The following PCNX1 variants were observed in gnomAD, a reference collection of about 807,000 sequenced individuals.
The protein encoded by PCNX1 is pecanex 1.
Under a neutral mutation model 242.2 loss-of-function variants are expected in PCNX1, and 78 were observed. That is an observed-to-expected ratio of 0.32 (90% CI 0.27 to 0.39). The LOEUF (loss-of-function observed/expected upper bound fraction) is 0.39. PCNX1 is among the 10% of genes least tolerant of loss of function. The pLI, the probability that PCNX1 is intolerant of heterozygous loss-of-function variation, is 1.00. For synonymous variants in PCNX1, 1,024 were observed against 1,032.9 expected, an observed-to-expected ratio of 0.99 and a Z score of 0.17; for missense variants, 2,581 against 2,856.5, an observed-to-expected ratio of 0.90 and a Z score of 2.20.
chr14:70,925,500 C>T (rs567727974), intron 1 of PCNX1, among the ~76,000 whole-genome samples: 21 of 151,340 alleles, frequency 1.4e-4, no homozygotes, highest in South Asian at 1.0e-3. Context: ...CAGTGACTTC[C>T]GGTCATTCAC....
At chr14:71,038,645 AT>A (rs1232979881) in intron 19 of PCNX1, among the ~76,000 whole-genome samples, 3 of 150,686 alleles carry the variant, frequency 2.0e-5, no homozygotes, top group African/African-American at 4.8e-5. Flanking sequence ...TAGTTCAACC[AT>A]TGTGGAAGTC....
intron 8 of PCNX1, among the ~76,000 whole-genome samples, chr14:71,001,682 C>A (rs986430249): frequency 4.6e-5 from 7 of 152,240 alleles, no homozygotes; most frequent in African/African-American, 1.7e-4. Flanking sequence ...TCTTAAGATT[C>A]TAAATTAAAG....
At chr14:71,005,461 T>C (rs900242931) in intron 8 of PCNX1, among the ~76,000 whole-genome samples, 9 of 151,672 alleles carry the variant, frequency 5.9e-5, no homozygotes, top group African/African-American at 1.2e-4. Context: ...TGAGCTATGA[T>C]TGTGCCATTG....
At chr14:70,953,151 C>A (rs1188897419) in intron 2 of PCNX1, among the ~76,000 whole-genome samples, 1 of 152,014 alleles carries the variant, frequency 6.6e-6, no homozygotes, top group Non-Finnish European at 1.5e-5. Context: ...TGGTGGTGTG[C>A]ACCTGTAGTG....
chr14:71,077,439 G>A (rs146845203), intron 28 of PCNX1, among the ~76,000 whole-genome samples: 1 of 152,216 alleles, frequency 6.6e-6, no homozygotes, highest in Non-Finnish European at 1.5e-5. Context: ...TCTAGGAGGT[G>A]CATACCGACC....
intron 19 of PCNX1, among the ~76,000 whole-genome samples, chr14:71,039,349 A>C (rs1282305398): frequency 1.3e-5 from 2 of 152,198 alleles, no homozygotes; most frequent in Non-Finnish European, 2.9e-5. Flanking sequence ...TGCTAAAATC[A>C]TCTGAGGTTC....
chr14:70,975,281 A>G (rs955715727), intron 5 of PCNX1, among the ~76,000 whole-genome samples: 1 of 152,140 alleles, frequency 6.6e-6, no homozygotes, highest in African/African-American at 2.4e-5. Flanking sequence ...TTAAATTTTG[A>G]TATTTAGAAG....
At chr14:70,952,515 T>A (rs1177597967) in intron 2 of PCNX1, among the ~76,000 whole-genome samples, 1 of 152,202 alleles carries the variant, frequency 6.6e-6, no homozygotes. Flanking sequence ...CTGAATATAT[T>A]TATTTATTTT....
chr14:71,022,452 G>A (rs1202807298), intron 12 of PCNX1, among the ~76,000 whole-genome samples: 1 of 152,168 alleles, frequency 6.6e-6, no homozygotes, highest in African/African-American at 2.4e-5. Context: ...GGTTAAAAGA[G>A]TTTAAAGATT....
At chr14:70,933,804 A>C (rs1253212340) in intron 1 of PCNX1, among the ~76,000 whole-genome samples, 1 of 152,240 alleles carries the variant, frequency 6.6e-6, no homozygotes, top group Admixed American at 6.5e-5. Context: ...GCACATCATA[A>C]TCACTAAGTA....
chr14:71,012,818 CAAAAAAAAA>C (rs10557318), intron 10 of PCNX1, 158 bp from the exon 11 acceptor site: 845 of 451,682 alleles, frequency 1.9e-3, no homozygotes, highest in Middle Eastern at 4.7e-3. Flanking sequence ...GACTCTGTCT[CAAAAAAAAA>C]AAAAAAAAAA....
Position 71,081,322 on chromosome 14 carries a change from G to A in PCNX1, c.5337+4903G>A, listed in dbSNP as rs1203021714. Among the ~76,000 whole-genome samples, 9 of 152,214 alleles carry A rather than the reference G, an allele frequency of 5.9e-5. No individual in the cohort carries two copies. The East Asian group carries it at 1.7e-3, about 29-fold the overall frequency. Reference sequence around the variant, plus strand: ...TGATGTTCATCATGTATATTGGCCTGAAATTTTCTGTTTTTGTTGTGTCTC... The same window carrying A: ...TGATGTTCATCATGTATATTGGCCTAAAATTTTCTGTTTTTGTTGTGTCTC... On this transcript the variant is annotated intron_variant, in intron 28 of 35. Transcript: ENST00000304743.
At chr14:71,003,819 A>C (rs530317195) in intron 8 of PCNX1, among the ~76,000 whole-genome samples, 3 of 152,344 alleles carry the variant, frequency 2.0e-5, no homozygotes, top group African/African-American at 7.2e-5. Flanking sequence ...TTTCCTTACC[A>C]GTCCCCAAAG....
intron 3 of PCNX1, among the ~76,000 whole-genome samples, chr14:70,967,819 T>G (rs772548952): frequency 3.9e-5 from 6 of 152,206 alleles, no homozygotes; most frequent in Non-Finnish European, 8.8e-5. Flanking sequence ...AAGTCTAAAT[T>G]TATTTCAGGT....
chr14:70,908,387 C>T (rs1158731124), intron 1 of PCNX1, among the ~76,000 whole-genome samples: 4 of 152,058 alleles, frequency 2.6e-5, no homozygotes, highest in African/African-American at 9.7e-5. Flanking sequence ...CGCATCCATC[C>T]TTGGCACGCT....
intron 19 of PCNX1, 23 bp from the exon 20 acceptor site, chr14:71,045,110 A>G (rs571569614): frequency 1.5e-5 from 22 of 1,493,896 alleles, no homozygotes; most frequent in African/African-American, 8.5e-5. Flanking sequence ...TCCTAATTTT[A>G]TCACTTCTAT....
In PCNX1 at chr14:71,003,279, C is replaced by T. The variant is rs1213140767; in HGVS notation, c.2630-6355C>T. 2.6e-5 allele frequency among the ~76,000 whole-genome samples: 4 copies of T among 151,632 alleles called. No individual in the cohort carries two copies. In the East Asian group the frequency reaches 5.8e-4, roughly 22 times the overall value. On this transcript the variant is annotated intron_variant, in intron 8 of 35. Coordinates refer to ENST00000304743, the MANE Select transcript of PCNX1 (RefSeq NM_014982.3). ...TTTATTTTTGTATTTTTAGTAGAGA[C>T]GGGGTTTTGCCATGTTGGTCAGACT...
chr14:70,978,220 C>T lies in PCNX1; in HGVS notation c.1883C>T (p.Thr628Ile). Reference protein sequence around the residue: ...HQFSSDSSSSTTSHSCQSPEG... With the variant: ...HQFSSDSSSSITSHSCQSPEG... ...TTCAGCAGTGATAGCTCTTCTAGCA[C>T]CACTTCTCATTCCTGTCAGTCTCCT... The change falls in exon 6 of 36, where the codon ACC becomes ATC. Residue 628 changes from threonine (T) to isoleucine (I), a missense_variant. By Grantham distance (89) the Thr-to-Ile change is moderately conservative. This residue lies in a region of PCNX1 where 1,204 missense variants were observed against 1,216.7 expected (regional missense o/e 0.99). Coordinates refer to ENST00000304743, the MANE Select transcript of PCNX1 (RefSeq NM_014982.3). 1.2e-6 allele frequency: 2 copies of T among 1,614,032 alleles called. No homozygotes were observed. Among genetic ancestry groups the T allele is most frequent in the Non-Finnish European group, 1.7e-6 (2 of 1,179,954 alleles).
intron 13 of PCNX1, among the ~76,000 whole-genome samples, chr14:71,024,003 A>G (rs150372860): frequency 5.3e-5 from 8 of 152,284 alleles, no homozygotes; most frequent in African/African-American, 1.9e-4. Flanking sequence ...ATATGGAAAC[A>G]TTGCTTTTCA....
Sources: allele counts gnomAD v4.1 joint callset (sites outside exome capture counted in the v4.1 genomes callset), GRCh38; gene constraint gnomAD v4.1.1; regional missense constraint gnomAD v4.1.1; transcripts MANE v1.5; gene names NCBI Gene and HGNC (gene_info 2026-07-23, HGNC 2026-07-21).